DMD: variants seen among roughly 807,000 people sequenced by gnomAD.
The protein encoded by DMD is dystrophin.
A neutral mutation model predicts 330.1 loss-of-function variants in DMD; 63 were observed. The ratio of observed to expected loss-of-function variants is 0.19; its 90% CI spans 0.16 to 0.24. The LOEUF (loss-of-function observed/expected upper bound fraction) is 0.24, where lower values mean the gene tolerates loss of function less well. DMD is among the 10% of genes least tolerant of loss of function. The probability of loss-of-function intolerance (pLI) is 1.00; values close to 1 mark genes in which losing one functional copy is unlikely to be tolerated. For missense variants in DMD, 3,344 were observed against 2,684.1 expected (o/e 1.25, Z -5.43); for synonymous variants, 1,223 against 959.8 (o/e 1.27, Z -5.07).
At chrX:31,443,889 A>G (rs2065106471) in intron 60 of DMD, among the ~76,000 whole-genome samples, 1 of 111,750 alleles carries the variant, frequency 8.9e-6, no homozygotes, top group South Asian at 3.8e-4. Context: ...ACTGCTACAC[A>G]GAGTTTGGAT....
intron 7 of DMD, among the ~76,000 whole-genome samples, chrX:32,699,548 T>A (rs1443240266): frequency 9.0e-6 from 1 of 111,723 alleles, no homozygotes; most frequent in African/African-American, 3.2e-5. Context: ...ATATTACTTT[T>A]TCCTAAGTCA....
chrX:32,465,588 T>G (rs6631593), intron 23 of DMD, among the ~76,000 whole-genome samples: 850 of 29,294 alleles, frequency 0.029, 17 homozygotes, highest in African/African-American at 0.048. Flanking sequence ...TTTTGTTTTT[T>G]TTTTTTTTTT....
At chrX:31,170,667 G>A (rs1036872012) in intron 73 of DMD, among the ~76,000 whole-genome samples, 4 of 111,449 alleles carry the variant, frequency 3.6e-5, no homozygotes, top group Non-Finnish European at 5.7e-5. Context: ...GATGTGAAAA[G>A]CTGACTAAAA....
In DMD at chrX:32,825,661, G is replaced by A. The variant is rs565341957; in HGVS notation, c.265-2274C>T. ...TAAATGGATAAACAAAATGTGGTAT[G>A]TACATACAACGGAATATTTTCAGCC... On this transcript the variant is annotated intron_variant, in intron 4 of 78. Coordinates refer to ENST00000357033, the MANE Select transcript of DMD (RefSeq NM_004006.3). Among the ~76,000 whole-genome samples, 9 of 112,113 alleles carry A rather than the reference G, an allele frequency of 8.0e-5. No homozygotes were observed. The South Asian group carries it at 2.2e-3, about 28-fold the overall frequency.
chrX:32,807,121 T>A (rs1376438325), intron 7 of DMD, among the ~76,000 whole-genome samples: 8 of 42,348 alleles, frequency 1.9e-4, no homozygotes, highest in African/African-American at 7.5e-4. Context: ...ACGGAAACAT[T>A]TAAAAAAAAA....
At chrX:32,054,788 T>C (rs1433609000) in intron 44 of DMD, among the ~76,000 whole-genome samples, 2 of 103,165 alleles carry the variant, frequency 1.9e-5, no homozygotes, top group Non-Finnish European at 3.9e-5. Context: ...GTATTATGTA[T>C]TCTTTAATAC....
At chrX:33,124,498 A>C (rs1307770384) in intron 1 of DMD, among the ~76,000 whole-genome samples, 4 of 105,605 alleles carry the variant, frequency 3.8e-5, no homozygotes, top group African/African-American at 1.4e-4. Flanking sequence ...AAAAAAAAAA[A>C]AAAAAAAAAA....
At chrX:31,266,803 C>T in intron 62 of DMD, 1 of 1,201,941 alleles carries the variant, frequency 8.3e-7, no homozygotes, top group Non-Finnish European at 1.1e-6. Context: ...GGCCGCGATC[C>T]ACTTACCCTT....
At chrX:31,735,393 C>T (rs1395233915) in intron 51 of DMD, among the ~76,000 whole-genome samples, 3 of 111,349 alleles carry the variant, frequency 2.7e-5, no homozygotes, top group Non-Finnish European at 5.7e-5. Context: ...CACTTTTGTC[C>T]TCCTAGACCC....
At chrX:32,640,516 G>A (rs936078463) in intron 11 of DMD, among the ~76,000 whole-genome samples, 1 of 109,821 alleles carries the variant, frequency 9.1e-6, no homozygotes, top group Admixed American at 9.8e-5. Flanking sequence ...ATGGTTTATG[G>A]GATAAATATT....
intron 67 of DMD, among the ~76,000 whole-genome samples, chrX:31,194,835 C>T (rs2042719551): frequency 9.0e-6 from 1 of 111,645 alleles, no homozygotes; most frequent in Admixed American, 9.5e-5. Flanking sequence ...AAAAGTTCCC[C>T]AGGATTCGTT....
intron 30 of DMD, among the ~76,000 whole-genome samples, chrX:32,411,441 C>A (rs2098141609): frequency 9.0e-6 from 1 of 111,523 alleles, no homozygotes; most frequent in African/African-American, 3.3e-5. Flanking sequence ...AAAACATTTT[C>A]TTTACCATTT....
At chrX:32,729,193 G>T (rs759583718) in intron 7 of DMD, among the ~76,000 whole-genome samples, 1 of 111,575 alleles carries the variant, frequency 9.0e-6, no homozygotes, top group East Asian at 2.8e-4. Flanking sequence ...GAATCATTTC[G>T]GATTTCAGAT....
At chrX:31,749,945 T>C (rs1178426579) in intron 51 of DMD, among the ~76,000 whole-genome samples, 12 of 107,515 alleles carry the variant, frequency 1.1e-4, no homozygotes, top group African/African-American at 3.8e-4. Flanking sequence ...ATGTCTTCTT[T>C]TGAGAAGTGT....
In DMD at chrX:32,438,385, A is replaced by C; in HGVS notation, c.3927T>G (p.Leu1309=). The C allele has an allele frequency of 1.7e-6, 2 of 1,210,889 alleles. No homozygotes were observed. The highest frequency in any genetic ancestry group is 2.2e-6 in the Non-Finnish European group (2 of 894,953). Residue 1309 remains leucine, a synonymous_variant, in exon 29 of 79, where the codon CTT becomes CTG. Coordinates refer to ENST00000357033, the MANE Select transcript of DMD (RefSeq NM_004006.3). ...AEEISEVLDS[L]ENLMRHSEDN... is the part of the protein sequence containing the mutation. ...CCTCTGAATGTCGCATCAAATTTTC[A>C]AGTGACTGAAACACATTTGCAATAA...
chrX:32,372,927 A>T lies in DMD; in HGVS notation c.4845+7583T>A, dbSNP rs148064225. On this transcript the variant is annotated intron_variant, in intron 34 of 78. Coordinates refer to ENST00000357033, the MANE Select transcript of DMD (RefSeq NM_004006.3). ...TTTTCTGTAACTATAATTTGGAAAC[A>T]TGGTCACAGGGTAAGGGGACACAGG... Among the ~76,000 whole-genome samples, 550 of 110,675 alleles carry T rather than the reference A, an allele frequency of 5.0e-3. 2 individuals carry two copies. Among genetic ancestry groups the T allele is most frequent in the African/African-American group, 0.016 (503 of 30,513 alleles).
At chrX:33,004,409 A>G (rs1030287753) in intron 2 of DMD, among the ~76,000 whole-genome samples, 1 of 111,358 alleles carries the variant, frequency 9.0e-6, no homozygotes, top group African/African-American at 3.3e-5. Flanking sequence ...CTTACCAATG[A>G]ATATCTGCAT....
chrX:31,219,124 C>CT (rs1298548701), intron 64 of DMD, among the ~76,000 whole-genome samples: 13 of 111,746 alleles, frequency 1.2e-4, no homozygotes. Context: ...CTTCCCCTAC[C>CT]TCCCTGAAGA....
At chrX:31,672,947 G>C (rs1301926653) in intron 53 of DMD, among the ~76,000 whole-genome samples, 1 of 112,267 alleles carries the variant, frequency 8.9e-6, no homozygotes, top group Non-Finnish European at 1.9e-5. Flanking sequence ...GCTGCTAATT[G>C]GTTTGGACCA....
Sources: gnomAD v4.1 joint callset for allele counts (sites outside exome capture counted in the v4.1 genomes callset) on GRCh38, gnomAD v4.1.1 for gene constraint, MANE v1.5 for transcripts, NCBI Gene and HGNC (gene_info 2026-07-23, HGNC 2026-07-21) for gene names.